The following INTS11 variants were observed in gnomAD, a reference collection of about 807,000 sequenced individuals.
INTS11 encodes the protein integrator complex subunit 11.
A neutral mutation model predicts 78.6 loss-of-function variants in INTS11; 77 were observed. The ratio of observed to expected loss-of-function variants is 0.98; its 90% confidence interval spans 0.81 to 1.18. INTS11 has a LOEUF of 1.18. INTS11 is among the 50% of genes most tolerant of loss of function. The pLI is 0.00. For synonymous variants in INTS11, 441 were observed against 326.9 expected (o/e 1.35, Z -3.77); for missense variants, 875 against 825.9 (o/e 1.06, Z -0.73).
At chr1:1,322,755 G>C (rs1390911685) in intron 1 of INTS11, 18 of 380,364 alleles carry the variant, frequency 4.7e-5, no homozygotes, top group Admixed American at 2.0e-4. Flanking sequence ...CCGGCGGCGG[G>C]GGGGGTAGCC....
intron 1 of INTS11, chr1:1,321,820 G>C (rs1047203875): frequency 1.8e-5 from 18 of 1,023,934 alleles, no homozygotes; most frequent in Non-Finnish European, 2.2e-5. Context: ...CTGGGGGCCC[G>C]AGAGGAAAGG....
In INTS11 at chr1:1,313,037, C is replaced by T; in HGVS notation, c.1129G>A (p.Val377Met). The change falls in exon 11 of 17, where the codon GTG (valine) becomes ATG (methionine). Residue 377 changes from valine (V) to methionine (M), a missense_variant and splice_region_variant. Val to Met is a conservative substitution (Grantham distance 21). Transcript: ENST00000435064. ...CCCAGTGCGGGGTCGAGACTCACCACCTGCCGCCCCTCCATCTCGAGCTTC... is the reference window on the plus strand; with the variant it reads ...CCCAGTGCGGGGTCGAGACTCACCATCTGCCGCCCCTCCATCTCGAGCTTC... ...QRKLEMEGRQ[V>M]LEVKMQVEYM... 1.2e-6 allele frequency: 2 copies of T among 1,611,088 alleles called. No individual in the cohort carries two copies. The highest frequency in any genetic ancestry group is 8.5e-7 in the Non-Finnish European group (1 of 1,179,836).
At position 1,313,783 on chromosome 1, in the gene INTS11, G is replaced by A. The variant is rs1395263024; in HGVS notation, c.906C>T (p.Phe302=). 1 of 1,613,316 alleles carries A rather than the reference G, an allele frequency of 6.2e-7. No individual in the cohort carries two copies. The highest frequency in any genetic ancestry group is 8.5e-7 in the Non-Finnish European group (1 of 1,179,998). The change falls in exon 9 of 17, where the codon TTC becomes TTT. Residue 302 remains phenylalanine (F), a synonymous_variant. Transcript: ENST00000435064. ...KTFVQRNMFE[F]KHIKAFDRAF... is the part of the protein sequence containing the mutation. The stretch of plus-strand genomic sequence containing the variant: ...CCCGGTCGAAGGCCTTGATGTGCTT[G>A]AACTCAAACATGTTCCTCTGCACGA...
At chr1:1,319,077 C>A in intron 4 of INTS11, 1 of 724,224 alleles carries the variant, frequency 1.4e-6, no homozygotes, top group Non-Finnish European at 2.6e-6. Flanking sequence ...CATACCCCCA[C>A]CCTGCACGTG....
intron 4 of INTS11, chr1:1,318,532 G>T (rs764362272): frequency 4.6e-6 from 1 of 217,720 alleles, no homozygotes; most frequent in Non-Finnish European, 9.0e-6. Context: ...ATGGGCACAT[G>T]CTTGTAGTCC....
rs759928482 is a variant in INTS11 at position 1,315,003 on chromosome 1, C to A, written c.564-41G>T. ...GGGGGTGTGAGCCACGATGCACTGTCCCCACGGTTGCAGGGCTGGGTGTGA... is the reference window on the plus strand; with the variant it reads ...GGGGGTGTGAGCCACGATGCACTGTACCCACGGTTGCAGGGCTGGGTGTGA... On this transcript the variant is annotated intron_variant, in intron 6 of 16. Transcript: ENST00000435064. 2.5e-6 allele frequency: 4 copies of A among 1,597,436 alleles called. No individual in the cohort carries two copies. The African/African-American group carries it at 5.4e-5, about 21-fold the overall frequency.
intron 10 of INTS11, 105 bp from the exon 11 acceptor site, chr1:1,313,229 C>T: frequency 1.5e-6 from 2 of 1,302,042 alleles, no homozygotes; most frequent in Non-Finnish European, 2.1e-6. Context: ...TTTCCACCTG[C>T]CAGCGGCGCC....
intron 6 of INTS11, 123 bp from the exon 7 acceptor site, chr1:1,315,085 G>C: frequency 8.1e-7 from 1 of 1,233,420 alleles, no homozygotes; most frequent in Non-Finnish European, 1.1e-6. Flanking sequence ...TGGCTGGAAA[G>C]AGCCAGCTGG....
chr1:1,313,513 T>C lies in INTS11; in HGVS notation c.1037A>G (p.Asn346Ser). Residue 346 changes from asparagine (N) to serine (S), a missense_variant, in exon 10 of 17, where the codon AAC becomes AGC. Asn to Ser is a conservative substitution (Grantham distance 46). Transcript: ENST00000435064. ...IFRKWAGNEK[N>S]MVIMPGYCVQ... ...CACACCTCACCATGCCCTCACCATG[T>C]TCTTTTCGTTTCCGGCCCATTTCCG... is the stretch of plus-strand genomic sequence containing the variant. 6.2e-7 allele frequency: 1 copy of C among 1,613,018 alleles called. No individual in the cohort carries two copies. The highest frequency in any genetic ancestry group is 8.5e-7 in the Non-Finnish European group (1 of 1,180,000).
intron 4 of INTS11, chr1:1,318,649 A>G (rs1642756973): frequency 2.9e-6 from 1 of 349,878 alleles, no homozygotes; most frequent in Non-Finnish European, 5.2e-6. Context: ...GACACTGTCA[A>G]AAAAAAAAAA....
Position 1,314,301 on chromosome 1 carries a change from C to G in INTS11, c.767G>C (p.Trp256Ser). ...AAAGAGCCGTCCTGGCGGCACCTACCAGAAGGTCTCCAGGAGGATGCAGAG... is the reference window on the plus strand; with the variant it reads ...AAAGAGCCGTCCTGGCGGCACCTACGAGAAGGTCTCCAGGAGGATGCAGAG... Reference protein sequence around the residue: ...QELCILLETFWERMNLKVPIY... With the variant: ...QELCILLETFSERMNLKVPIY... Residue 256 changes from tryptophan to serine, a missense_variant and splice_region_variant, in exon 8 of 17, where the codon TGG becomes TCG. Trp to Ser is a radical substitution (Grantham distance 177). Transcript: ENST00000435064. The surrounding 1 kb of genome is among the most constrained non-coding windows in gnomAD (Gnocchi z 4.2). The G allele has an allele frequency of 6.3e-7, 1 of 1,597,602 alleles. No homozygotes were observed. Among genetic ancestry groups the G allele is most frequent in the Non-Finnish European group, 8.5e-7 (1 of 1,173,490 alleles).
At chr1:1,318,655 A>G in intron 4 of INTS11, 1 of 452,074 alleles carries the variant, frequency 2.2e-6, no homozygotes, top group East Asian at 3.6e-5. Flanking sequence ...GTCAAAAAAA[A>G]AAAAAAATTA....
In INTS11 at chr1:1,312,459, G is replaced by T. The variant is rs187264376; in HGVS notation, c.1445C>A (p.Thr482Asn). 3.2e-6 allele frequency: 5 copies of T among 1,572,986 alleles called. No individual in the cohort carries two copies. The Admixed American group carries it at 9.3e-5, about 29-fold the overall frequency. The change falls in exon 14 of 17, where the codon ACC (threonine) becomes AAC (asparagine). Residue 482 changes from threonine (T) to asparagine (N), a missense_variant. By Grantham distance (65) the Thr-to-Asn change is moderately conservative. Coordinates refer to ENST00000435064, the MANE Select transcript of INTS11 (RefSeq NM_017871.6). ...ACTCACGCTGTCCTTCATGATCAGG[G>T]TGCCGTGCAGGAGCCGAGGCTTCTT... ...EAKKPRLLHG[T>N]LIMKDSNFRL...
intron 10 of INTS11, 53 bp downstream of exon 10, chr1:1,313,456 G>A (rs1195087682): frequency 1.3e-5 from 21 of 1,592,052 alleles, no homozygotes; most frequent in South Asian, 2.2e-5. Flanking sequence ...TGGGTGGAAG[G>A]ACAACCCGTC....
chr1:1,311,612 C>T lies in INTS11; in HGVS notation c.*247G>A, dbSNP rs1468957278. On this transcript the variant is annotated 3_prime_UTR_variant, in exon 17 of 17. Transcript: ENST00000435064. ...GAGTACCAAGTAGTCTTTTGTTCAG[C>T]TTTTACTGGAAACTGCTGTCTAGGA... The T allele has an allele frequency of 5.6e-6, 4 of 715,782 alleles. No individual in the cohort carries two copies. The highest frequency in any genetic ancestry group is 1.7e-5 in the African/African-American group (1 of 57,618). 44.3% of individuals were successfully genotyped at this position (715,782 alleles called of 1,614,324 possible).
Position 1,321,031 on chromosome 1 carries a change from G to A in INTS11, c.91C>T (p.Leu31=), listed in dbSNP as rs577055539. The part of the protein sequence containing the change: ...LVSIAGKNVM[L]DCGMHMGFND... ...AAGCCCATGTGCATTCCACAGTCCAGCATGACATTCTTGCCCGCAATGGAG... is the reference window on the plus strand; with the variant it reads ...AAGCCCATGTGCATTCCACAGTCCAACATGACATTCTTGCCCGCAATGGAG... The change falls in exon 2 of 17, where the codon CTG becomes TTG. Residue 31 remains leucine, a synonymous_variant. Transcript: ENST00000435064. The A allele has an allele frequency of 6.8e-6, 11 of 1,613,156 alleles. No homozygotes were observed. The East Asian group carries it at 2.5e-4, about 36-fold the overall frequency.
chr1:1,324,604 G>C lies in INTS11; in HGVS notation c.5C>G (p.Pro2Arg), dbSNP rs917339744. M[P>R]EIRVTPLGAG... ...ACCCAAGGGCGTGACTCTGATCTCA[G>C]GCATCGTCTCCGCCGCGCTCCCGGA... Residue 2 changes from proline to arginine, a missense_variant, in exon 1 of 17, where the codon CCT becomes CGT. Coordinates refer to ENST00000435064, the MANE Select transcript of INTS11 (RefSeq NM_017871.6). 1.3e-6 allele frequency: 2 copies of C among 1,598,986 alleles called. No individual in the cohort carries two copies. Among genetic ancestry groups the C allele is most frequent in the Non-Finnish European group, 1.7e-6 (2 of 1,174,568 alleles).
chr1:1,313,614 G>A (rs1213400160), intron 9 of INTS11, 22 bp from the exon 10 acceptor site: 2 of 1,612,746 alleles, frequency 1.2e-6, no homozygotes, highest in South Asian at 2.2e-5. Flanking sequence ...ACAGGGCCAG[G>A]TGGGGGGTCA....
chr1:1,311,600 T>A lies in INTS11; in HGVS notation c.*259A>T, dbSNP rs1426238747. The A allele has an allele frequency of 2.8e-6, 2 of 716,230 alleles. No homozygotes were observed. The highest frequency in any genetic ancestry group is 4.0e-5 in the Admixed American group (2 of 49,928). The allele number at this position is 716,230 out of a possible 1,614,324, so 44.4% of individuals were successfully genotyped here. A position where few individuals can be genotyped will look rare whatever the true frequency, so the allele number is the denominator to read the frequency against. On this transcript the variant is annotated 3_prime_UTR_variant, in exon 17 of 17. Coordinates refer to ENST00000435064, the MANE Select transcript of INTS11 (RefSeq NM_017871.6). ...ACACCAAGAAGAGAGTACCAAGTAG[T>A]CTTTTGTTCAGCTTTTACTGGAAAC...
Sources: gnomAD v4.1 joint callset for allele counts on GRCh38, gnomAD v4.1.1 for gene constraint, Gnocchi (gnomAD v3.1) non-coding constraint, MANE v1.5 for transcripts, NCBI Gene and HGNC (gene_info 2026-07-23, HGNC 2026-07-21) for gene names.